RIMS2: variants seen among roughly 807,000 people sequenced by gnomAD.
The protein encoded by RIMS2 is regulating synaptic membrane exocytosis 2, also known as regulating synaptic membrane exocytosis protein 2.
RIMS2 carries 59 observed loss-of-function variants against 174.4 expected under a neutral mutation model. The ratio of observed to expected loss-of-function variants is 0.34; its 90% CI spans 0.27 to 0.42. RIMS2 has a LOEUF of 0.42. RIMS2 is among the 10% of genes least tolerant of loss of function. RIMS2 has a pLI of 1.00. For synonymous variants in RIMS2, 606 were observed against 572.5 expected, an observed-to-expected ratio of 1.06 and a Z score of -0.84; for missense variants, 1,620 against 1,666.3, an observed-to-expected ratio of 0.97 and a Z score of 0.48.
At chr8:103,829,736 G>A (rs1444497822) in intron 3 of RIMS2, among the ~76,000 whole-genome samples, 1 of 151,984 alleles carries the variant, frequency 6.6e-6, no homozygotes, top group Non-Finnish European at 1.5e-5. Context: ...AGTGAGCATG[G>A]AAAAACTACC....
chr8:103,854,893 A>G (rs2099019081), intron 3 of RIMS2, among the ~76,000 whole-genome samples: 1 of 151,914 alleles, frequency 6.6e-6, no homozygotes, highest in African/African-American at 2.4e-5. Context: ...TAAGTTAGGG[A>G]GGAGCCTCTC....
At chr8:103,794,195 A>G (rs1592573973) in intron 3 of RIMS2, among the ~76,000 whole-genome samples, 1 of 152,348 alleles carries the variant, frequency 6.6e-6, no homozygotes, top group Middle Eastern at 3.4e-3. Context: ...CTACAAGGCT[A>G]TAGTAATCAA....
chr8:103,989,248 C>A, intron 16 of RIMS2, 57 bp from the exon 19 acceptor site: 1 of 1,036,312 alleles, frequency 9.6e-7, no homozygotes, highest in Non-Finnish European at 1.5e-6. Context: ...AAATAAACCT[C>A]GTTTCTTAGT....
chr8:103,645,889 C>T (rs2096319184), intron 1 of RIMS2, among the ~76,000 whole-genome samples: 1 of 152,042 alleles, frequency 6.6e-6, no homozygotes, highest in Admixed American at 6.6e-5. Flanking sequence ...ACCAAACAGG[C>T]TTTCTGTGAG....
intron 19 of RIMS2, among the ~76,000 whole-genome samples, chr8:104,135,742 G>C (rs2098514317): frequency 6.6e-6 from 1 of 151,468 alleles, no homozygotes; most frequent in Non-Finnish European, 1.5e-5. Context: ...AAAAGTTTAA[G>C]ATATTTGCAA....
intron 1 of RIMS2, among the ~76,000 whole-genome samples, chr8:103,674,111 C>T (rs1021880172): frequency 1.3e-5 from 2 of 152,212 alleles, no homozygotes; most frequent in Non-Finnish European, 2.9e-5. Flanking sequence ...TGTTCCAGCT[C>T]CCAGTAAGGT....
rs137953844 is a variant in RIMS2 at position 103,847,272 on chromosome 8, C to G, written c.699-38026C>G. Among the ~76,000 whole-genome samples, 109 of 152,126 alleles carry G rather than the reference C, an allele frequency of 7.2e-4. No individual in the cohort carries two copies. In the South Asian group the frequency reaches 9.3e-3, roughly 13 times the overall value. ...TTAGTTCTTAGATCTGTGAATTCTACGTATCGGGGGCATAGCAGCTTATGA... is the reference window on the plus strand; with the variant it reads ...TTAGTTCTTAGATCTGTGAATTCTAGGTATCGGGGGCATAGCAGCTTATGA... On this transcript the variant is annotated intron_variant, in intron 3 of 23. Transcript: ENST00000504942.
intron 19 of RIMS2, among the ~76,000 whole-genome samples, chr8:104,238,429 A>G (rs570610597): frequency 2.5e-4 from 38 of 152,064 alleles, no homozygotes; most frequent in Non-Finnish European, 4.7e-4. Flanking sequence ...ACAAACCTGT[A>G]TGTTCTGCAC....
At chr8:103,834,524 T>C (rs1593391025) in intron 3 of RIMS2, among the ~76,000 whole-genome samples, 1 of 151,640 alleles carries the variant, frequency 6.6e-6, no homozygotes, top group Non-Finnish European at 1.5e-5. Flanking sequence ...AGTCTTCTTA[T>C]GTATGCATGA....
At chr8:104,057,443 T>A (rs1348304982) in intron 19 of RIMS2, among the ~76,000 whole-genome samples, 1 of 152,150 alleles carries the variant, frequency 6.6e-6, no homozygotes, top group Non-Finnish European at 1.5e-5. Context: ...TTTCAGTTAG[T>A]CTGTTCACTG....
intron 19 of RIMS2, among the ~76,000 whole-genome samples, chr8:104,129,312 G>A (rs1178259431): frequency 6.6e-6 from 1 of 152,132 alleles, no homozygotes; most frequent in Non-Finnish European, 1.5e-5. Context: ...TTGAGCAAAG[G>A]AGTTTGAGGT....
chr8:103,635,589 C>T (rs1437778629), intron 1 of RIMS2, among the ~76,000 whole-genome samples: 1 of 152,268 alleles, frequency 6.6e-6, no homozygotes, highest in Non-Finnish European at 1.5e-5. Context: ...GTTCCTCCCT[C>T]TGGGAGCTTT....
intron 17 of RIMS2, among the ~76,000 whole-genome samples, chr8:104,010,018 A>G (rs940965542): frequency 6.6e-6 from 1 of 151,266 alleles, no homozygotes; most frequent in African/African-American, 2.4e-5. Flanking sequence ...GGATGGACGG[A>G]CGGATGGACG....
At chr8:103,621,819 T>C (rs1230619169) in intron 1 of RIMS2, among the ~76,000 whole-genome samples, 2 of 152,154 alleles carry the variant, frequency 1.3e-5, no homozygotes, top group Admixed American at 6.5e-5. Flanking sequence ...TTTGAGACAT[T>C]GATGCACATT....
intron 19 of RIMS2, among the ~76,000 whole-genome samples, chr8:104,065,778 A>G (rs1003651001): frequency 2.6e-5 from 4 of 152,140 alleles, no homozygotes; most frequent in African/African-American, 9.7e-5. Flanking sequence ...GAATTTTCCA[A>G]TTTGGGAACT....
intron 19 of RIMS2, among the ~76,000 whole-genome samples, chr8:104,134,541 AT>A (rs2098502483): frequency 6.6e-6 from 1 of 152,214 alleles, no homozygotes; most frequent in African/African-American, 2.4e-5. Context: ...TTTGGCACCC[AT>A]TGAGTGCAAA....
chr8:104,088,414 T>C (rs1485686873), intron 19 of RIMS2, among the ~76,000 whole-genome samples: 2 of 152,050 alleles, frequency 1.3e-5, no homozygotes, highest in African/African-American at 2.4e-5. Flanking sequence ...GCCTAACTTG[T>C]ATCTTCCAAA....
At chr8:104,049,584 T>TTA (rs1388396423) in intron 19 of RIMS2, among the ~76,000 whole-genome samples, 2 of 152,170 alleles carry the variant, frequency 1.3e-5, no homozygotes, top group Admixed American at 1.3e-4. Flanking sequence ...TTGGACAAGT[T>TTA]TCCTAATTTC....
At chr8:103,992,286 T>A (rs981830940) in intron 17 of RIMS2, among the ~76,000 whole-genome samples, 1 of 149,170 alleles carries the variant, frequency 6.7e-6, no homozygotes, top group Non-Finnish European at 1.5e-5. Context: ...TTTTTTTTTT[T>A]TTTTTTTTTT....
Sources: gnomAD v4.1 joint callset for allele counts (sites outside exome capture counted in the v4.1 genomes callset) on GRCh38, gnomAD v4.1.1 for gene constraint, MANE v1.5 for transcripts, NCBI Gene and HGNC (gene_info 2026-07-23, HGNC 2026-07-21) for gene names.